RBPMS: variants seen among roughly 807,000 people sequenced by gnomAD.
The protein encoded by RBPMS is RNA-binding protein with multiple splicing.
Under a neutral mutation model 26.8 loss-of-function variants are expected in RBPMS, and 7 were observed. The ratio of observed to expected loss-of-function variants is 0.26; its 90% confidence interval spans 0.15 to 0.49. RBPMS has a LOEUF of 0.49. Among genes scored for constraint, RBPMS ranks in the 20% least tolerant of loss-of-function variants. RBPMS has a pLI of 0.98. For missense variants in RBPMS, 186 were observed against 250.0 expected (o/e 0.74, Z 1.73); for synonymous variants, 96 against 93.3 (o/e 1.03, Z -0.17).
Position 30,504,384 on chromosome 8 carries a change from C to T in RBPMS, c.345C>T (p.Asn115=). ...MAKNKLVGTP[N]PSTPLPNTVP... is the part of the protein sequence containing the mutation. Reference sequence around the variant, plus strand: ...AGAACAAACTCGTAGGGACTCCAAACCCCAGTACTCCTCTGCCCAACACTG... The same window carrying T: ...AGAACAAACTCGTAGGGACTCCAAATCCCAGTACTCCTCTGCCCAACACTG... The change falls in exon 5 of 9, where the codon AAC becomes AAT. Residue 115 remains asparagine (N), a synonymous_variant. Transcript: ENST00000397323. The T allele has an allele frequency of 1.2e-6, 2 of 1,614,194 alleles. No individual in the cohort carries two copies. Among genetic ancestry groups the T allele is most frequent in the Non-Finnish European group, 1.7e-6 (2 of 1,179,996 alleles).
At chr8:30,544,065 A>T (rs2151046345) in intron 5 of RBPMS, among the ~76,000 whole-genome samples, 1 of 152,360 alleles carries the variant, frequency 6.6e-6, no homozygotes, top group African/African-American at 2.4e-5. Context: ...TGGTCTGTTG[A>T]GGCCCTGCCG....
At chr8:30,441,155 T>G in intron 1 of RBPMS, among the ~76,000 whole-genome samples, 1 of 152,218 alleles carries the variant, frequency 6.6e-6, no homozygotes, top group African/African-American at 2.4e-5. Context: ...CTGTCCATTT[T>G]TAATATTAAC....
intron 1 of RBPMS, among the ~76,000 whole-genome samples, chr8:30,468,443 C>T (rs1816749104): frequency 1.3e-5 from 2 of 151,938 alleles, no homozygotes; most frequent in African/African-American, 2.4e-5. Context: ...CTTTATAATA[C>T]TAATCTCTCC....
chr8:30,417,627 G>T (rs981143723), intron 1 of RBPMS, among the ~76,000 whole-genome samples: 20 of 152,286 alleles, frequency 1.3e-4, no homozygotes, highest in African/African-American at 4.8e-4. Context: ...GTCCAGAAGT[G>T]TGACCACAGT....
Position 30,544,517 on chromosome 8 carries a change from T to C in RBPMS, c.421T>C (p.Tyr141His), listed in dbSNP as rs750873315. 1.2e-6 allele frequency: 2 copies of C among 1,614,228 alleles called. No individual in the cohort carries two copies. Among genetic ancestry groups the C allele is most frequent in the East Asian group, 2.2e-5 (1 of 44,888 alleles). The part of the protein sequence containing the change: ...EPYELTVPAL[Y>H]PSSPEVWAPY... ...AGATGAGCTCACAGTGCCTGCACTTTACCCCAGTAGCCCTGAAGTGTGGGC... is the reference window on the plus strand; with the variant it reads ...AGATGAGCTCACAGTGCCTGCACTTCACCCCAGTAGCCCTGAAGTGTGGGC... Residue 141 changes from tyrosine (Y) to histidine (H), a missense_variant, in exon 6 of 9, where the codon TAC becomes CAC. Tyr to His is a moderately conservative substitution (Grantham distance 83). This residue lies in a region of RBPMS where 98 missense variants were observed against 113.6 expected (regional missense o/e 0.86). Transcript: ENST00000397323.
chr8:30,421,576 C>T (rs1006640240), intron 1 of RBPMS, among the ~76,000 whole-genome samples: 10 of 152,090 alleles, frequency 6.6e-5, no homozygotes, highest in Non-Finnish European at 1.3e-4. Context: ...TACAAATTTT[C>T]TAGGTACCTA....
At chr8:30,433,576 G>A (rs1056767492) in intron 1 of RBPMS, among the ~76,000 whole-genome samples, 2 of 152,308 alleles carry the variant, frequency 1.3e-5, no homozygotes, top group Middle Eastern at 3.4e-3. Flanking sequence ...GAAGGCTGAG[G>A]TGCAAGGATC....
chr8:30,457,731 G>A (rs540194095), intron 1 of RBPMS, among the ~76,000 whole-genome samples: 6 of 151,772 alleles, frequency 4.0e-5, no homozygotes, highest in East Asian at 1.9e-4. Flanking sequence ...GATTACAGGC[G>A]CACACCACCA....
intron 7 of RBPMS, among the ~76,000 whole-genome samples, chr8:30,561,449 A>G (rs978818329): frequency 6.6e-6 from 1 of 152,190 alleles, no homozygotes; most frequent in Admixed American, 6.5e-5. Context: ...CCATTGTCAG[A>G]GGCTGGTAGG....
intron 6 of RBPMS, among the ~76,000 whole-genome samples, chr8:30,546,681 G>T (rs982585184): frequency 2.0e-5 from 3 of 152,310 alleles, no homozygotes; most frequent in Admixed American, 2.0e-4. Flanking sequence ...CTCTCCTCTG[G>T]TATCAGTTTT....
chr8:30,392,350 CA>C (rs1322445681), intron 1 of RBPMS, among the ~76,000 whole-genome samples: 2 of 152,016 alleles, frequency 1.3e-5, no homozygotes, highest in Non-Finnish European at 2.9e-5. Flanking sequence ...AATGAACACA[CA>C]GAGGCTTCAA....
intron 6 of RBPMS, among the ~76,000 whole-genome samples, chr8:30,547,990 T>A (rs1321673699): frequency 6.6e-6 from 1 of 152,182 alleles, no homozygotes; most frequent in Non-Finnish European, 1.5e-5. Context: ...TTATTTGCCA[T>A]CAGATCCCGT....
intron 1 of RBPMS, among the ~76,000 whole-genome samples, chr8:30,449,534 C>A (rs574686363): frequency 1.6e-4 from 24 of 152,298 alleles, no homozygotes; most frequent in African/African-American, 5.3e-4. Flanking sequence ...CCATGCCCAG[C>A]TAATTTTTGT....
intron 1 of RBPMS, among the ~76,000 whole-genome samples, chr8:30,443,981 C>T (rs1813437279): frequency 6.6e-6 from 1 of 151,910 alleles, no homozygotes; most frequent in African/African-American, 2.4e-5. Flanking sequence ...ACTGCAATCT[C>T]CACCTCCCAG....
intron 4 of RBPMS, among the ~76,000 whole-genome samples, chr8:30,493,676 C>G (rs1394155895): frequency 6.6e-6 from 1 of 152,078 alleles, no homozygotes. Context: ...GGGTAACTGA[C>G]TGTGTTTGGG....
intron 5 of RBPMS, among the ~76,000 whole-genome samples, chr8:30,519,007 A>G (rs970183673): frequency 6.6e-6 from 1 of 152,062 alleles, no homozygotes; most frequent in Non-Finnish European, 1.5e-5. Context: ...TTTGAGGAAG[A>G]AGGAGGGGCA....
intron 6 of RBPMS, chr8:30,555,971 G>A (rs1826865553): frequency 2.0e-6 from 2 of 984,296 alleles, no homozygotes; most frequent in South Asian, 4.8e-5. Flanking sequence ...TCTGCCGGCT[G>A]TGGTGCGGGA....
At chr8:30,557,581 A>C (rs954250544) in intron 6 of RBPMS, among the ~76,000 whole-genome samples, 10 of 152,126 alleles carry the variant, frequency 6.6e-5, no homozygotes, top group African/African-American at 2.4e-4. Flanking sequence ...CTGCACCTCC[A>C]TTTCAGCCAG....
intron 1 of RBPMS, among the ~76,000 whole-genome samples, chr8:30,453,385 G>C (rs910229251): frequency 1.3e-5 from 2 of 152,060 alleles, no homozygotes; most frequent in African/African-American, 4.8e-5. Flanking sequence ...TTTATAAGTA[G>C]GAAGCACTCA....
Sources: gnomAD v4.1 joint callset for allele counts (sites outside exome capture counted in the v4.1 genomes callset) on GRCh38, gnomAD v4.1.1 for gene constraint, gnomAD v4.1.1 regional missense constraint, MANE v1.5 for transcripts, NCBI Gene and HGNC (gene_info 2026-07-23, HGNC 2026-07-21) for gene names.